Variants in CAPN10 observed in about 807,000 individuals in gnomAD.
CAPN10 encodes calpain 10.
Under a neutral mutation model 78.4 loss-of-function variants are expected in CAPN10, and 71 were observed. The ratio of observed to expected loss-of-function variants is 0.91; its 90% CI spans 0.75 to 1.10. The LOEUF (loss-of-function observed/expected upper bound fraction) is 1.10, where lower values mean the gene tolerates loss of function less well. Among genes scored for constraint, CAPN10 ranks in the 50% least tolerant of loss-of-function variants. The pLI, the probability that CAPN10 is intolerant of heterozygous loss-of-function variation, is 0.00. For synonymous variants in CAPN10, 437 were observed against 407.2 expected (o/e 1.07, Z -0.88); for missense variants, 849 against 924.6 (o/e 0.92, Z 1.06).
chr2:240,586,766 G>A lies in CAPN10; in HGVS notation c.-146G>A. ...CGGGCCGGCGTACTGGCCTGGTCCA[G>A]CACCTGCGGGGCCCTCGGGCTTGGA... is the stretch of plus-strand genomic sequence containing the variant. On this transcript the variant is annotated 5_prime_UTR_variant, in exon 1 of 12. Transcript: ENST00000391984. The A allele has an allele frequency of 1.4e-6, 1 of 736,128 alleles. No homozygotes were observed. Among genetic ancestry groups the A allele is most frequent in the Non-Finnish European group, 1.9e-6 (1 of 525,414 alleles). 45.6% of individuals were successfully genotyped at this position (736,128 alleles called of 1,614,324 possible).
chr2:240,596,402 G>A lies in CAPN10; in HGVS notation c.1362G>A (p.Glu454=). 1 of 1,613,552 alleles carries A rather than the reference G, an allele frequency of 6.2e-7. No individual in the cohort carries two copies. The change falls in exon 8 of 12, where the codon GAG becomes GAA. Residue 454 remains glutamate, a synonymous_variant. Coordinates refer to ENST00000391984, the MANE Select transcript of CAPN10 (RefSeq NM_023083.4). ...AGTACHAYDR[E]VHLRCELSPG... Reference sequence around the variant, plus strand: ...CCGCGTGCCATGCATACGACCGGGAGGTCCACCTGCGTTGTGAGCTCTCAC... The same window carrying A: ...CCGCGTGCCATGCATACGACCGGGAAGTCCACCTGCGTTGTGAGCTCTCAC...
intron 4 of CAPN10, among the ~76,000 whole-genome samples, chr2:240,593,143 G>C (rs529112925): frequency 6.6e-6 from 1 of 152,234 alleles, no homozygotes. Flanking sequence ...CGCTGGTCTG[G>C]TGGGCATTAG....
In CAPN10 at chr2:240,598,989, A is replaced by G. The variant is rs1488567499; in HGVS notation, c.*309A>G. The G allele has an allele frequency of 8.0e-6, 4 of 499,328 alleles. No individual in the cohort carries two copies. In the East Asian group the frequency reaches 1.2e-4, roughly 15 times the overall value. The allele number at this position is 499,328 out of a possible 1,614,324, so 30.9% of individuals were successfully genotyped here. A position where few individuals can be genotyped will look rare whatever the true frequency, so the allele number is the denominator to read the frequency against. ...CCCTCCCAGATCCTCTGCTGACTCC[A>G]TATGGAGGCCTCACACCCAGAGGGT... is the stretch of plus-strand genomic sequence containing the variant. On this transcript the variant is annotated 3_prime_UTR_variant, in exon 12 of 12. Transcript: ENST00000391984.
At chr2:240,594,346 C>G in intron 5 of CAPN10, 197 bp from the exon 6 acceptor site, 1 of 663,520 alleles carries the variant, frequency 1.5e-6, no homozygotes, top group Non-Finnish European at 2.6e-6. Flanking sequence ...AGAGAGGGCT[C>G]CAGGGTGGCC....
intron 4 of CAPN10, 104 bp from the exon 5 acceptor site, chr2:240,593,802 G>A (rs1395375536): frequency 1.5e-6 from 2 of 1,354,720 alleles, no homozygotes; most frequent in Non-Finnish European, 2.0e-6. Flanking sequence ...ATAGTGGGGT[G>A]GGCTGGAGCA....
At position 240,596,671 on chromosome 2, in the gene CAPN10, T is replaced by G. The variant is rs1449909362; in HGVS notation, c.1482-10T>G. 3.3e-6 allele frequency: 5 copies of G among 1,536,314 alleles called. No homozygotes were observed. In the Admixed American group the frequency reaches 8.0e-5, roughly 24 times the overall value. ...CTGCCAGCGCCCTCCCATGTTTGTC[T>G]TCTTGGCAGCGCCATCAGGGCAGTG... On this transcript the variant is annotated splice_polypyrimidine_tract_variant and intron_variant, in intron 8 of 11. Coordinates refer to ENST00000391984, the MANE Select transcript of CAPN10 (RefSeq NM_023083.4).
chr2:240,590,935 G>GC lies in CAPN10; in HGVS notation c.395dup (p.Gly133ArgfsTer147). On this transcript the variant is annotated frameshift_variant, in exon 3 of 12. Transcript: ENST00000391984. LOFTEE classifies it high-confidence loss of function. ...CACAGATGACCGCCTGCCGTGCCTT[G>GC]CAGGGAGACTCTGTTTCTCCCGCTG... is the stretch of plus-strand genomic sequence containing the variant. 1.2e-6 allele frequency: 2 copies of GC among 1,614,242 alleles called. No individual in the cohort carries two copies. The highest frequency in any genetic ancestry group is 1.7e-6 in the Non-Finnish European group (2 of 1,180,052).
chr2:240,595,519 T>A, intron 7 of CAPN10: 1 of 613,730 alleles, frequency 1.6e-6, no homozygotes. Flanking sequence ...TGCCTTGCCG[T>A]GTGCCTCATT....
intron 1 of CAPN10, among the ~76,000 whole-genome samples, chr2:240,588,694 C>G (rs909461776): frequency 1.3e-5 from 2 of 152,092 alleles, no homozygotes; most frequent in Admixed American, 1.3e-4. Flanking sequence ...GAATGGGAAG[C>G]AGGTAGTGGG....
At chr2:240,595,518 G>C in intron 7 of CAPN10, 1 of 616,614 alleles carries the variant, frequency 1.6e-6, no homozygotes, top group Non-Finnish European at 2.8e-6. Flanking sequence ...CTGCCTTGCC[G>C]TGTGCCTCAT....
rs758832246 is a variant in CAPN10, at chr2:240,596,367, G to A, written c.1327G>A (p.Val443Met). 9.3e-6 allele frequency: 15 copies of A among 1,612,650 alleles called. No individual in the cohort carries two copies. Among genetic ancestry groups the A allele is most frequent in the Admixed American group, 3.3e-5 (2 of 60,002 alleles). Residue 443 changes from valine (V) to methionine (M), a missense_variant, in exon 8 of 12, where the codon GTG (valine) becomes ATG (methionine). Val to Met is a conservative substitution (Grantham distance 21). Transcript: ENST00000391984. Reference protein sequence around the residue: ...NLPRVLSMPPVAGTACHAYDR... With the variant: ...NLPRVLSMPPMAGTACHAYDR... ...GCCTAGGGTCCTGTCCATGCCCCCC[G>A]TGGCTGGCACCGCGTGCCATGCATA...
chr2:240,597,345 G>GC (rs1313599534), intron 9 of CAPN10, among the ~76,000 whole-genome samples: 1 of 152,200 alleles, frequency 6.6e-6, no homozygotes, highest in African/African-American at 2.4e-5. Context: ...AGGCTGGCTG[G>GC]CCACAGCAGC....
intron 11 of CAPN10, 107 bp downstream of exon 11, chr2:240,598,504 C>T (rs916683226): frequency 6.8e-7 from 1 of 1,462,710 alleles, no homozygotes; most frequent in African/African-American, 1.4e-5. Context: ...ACGTGAGGTG[C>T]CCTTGACTCT....
At chr2:240,587,091 T>C in intron 1 of CAPN10, 39 bp downstream of exon 1, 1 of 1,281,048 alleles carries the variant, frequency 7.8e-7, no homozygotes, top group South Asian at 1.9e-5. Flanking sequence ...CGTTTCTGGT[T>C]TCTGAGATCT....
At chr2:240,590,500 A>G (rs1159481682) in intron 2 of CAPN10, 10 of 264,486 alleles carry the variant, frequency 3.8e-5, no homozygotes, top group Middle Eastern at 1.1e-3. Context: ...AAGTTTTGCA[A>G]TGAGAGGTCT....
chr2:240,596,709 A>C lies in CAPN10; in HGVS notation c.1510A>C (p.Thr504Pro). 1 of 1,563,286 alleles carries C rather than the reference A, an allele frequency of 6.4e-7. No homozygotes were observed. The highest frequency in any genetic ancestry group is 1.4e-5 in the African/African-American group (1 of 73,668). ...SAIRAVAKNT[T>P]PGAALPAGEW... The stretch of plus-strand genomic sequence containing the variant: ...CATCAGGGCAGTGGCCAAGAACACC[A>C]CCCCCGGGGCAGCCCTGCCTGCGGG... Residue 504 changes from threonine (T) to proline (P), a missense_variant, in exon 9 of 12, where the codon ACC becomes CCC. Thr to Pro is a conservative substitution (Grantham distance 38). Transcript: ENST00000391984.
At chr2:240,597,820 A>C in intron 9 of CAPN10, 68 bp from the exon 10 acceptor site, 1 of 1,376,910 alleles carries the variant, frequency 7.3e-7, no homozygotes. Flanking sequence ...GCATCCGAGC[A>C]GATGGCCCTG....
Position 240,595,063 on chromosome 2 carries a change from G to C in CAPN10, c.1037G>C (p.Trp346Ser), listed in dbSNP as rs1418293274. The change falls in exon 7 of 12, where the codon TGG becomes TCG. Residue 346 changes from tryptophan (W) to serine (S), a missense_variant. Coordinates refer to ENST00000391984, the MANE Select transcript of CAPN10 (RefSeq NM_023083.4). Reference sequence around the variant, plus strand: ...CATACGCGGGCGCTGCCTGGGGCCTGGGTCAAGGGCCAGTCAGCAGGAGGC... The same window carrying C: ...CATACGCGGGCGCTGCCTGGGGCCTCGGTCAAGGGCCAGTCAGCAGGAGGC... ...LCHTRALPGA[W>S]VKGQSAGGCR... 1.2e-6 allele frequency: 2 copies of C among 1,613,408 alleles called. No homozygotes were observed. Among genetic ancestry groups the C allele is most frequent in the Non-Finnish European group, 1.7e-6 (2 of 1,180,034 alleles).
In CAPN10 at chr2:240,594,406, C is replaced by T. The variant is rs1015214744; in HGVS notation, c.831-137C>T. 2.0e-5 allele frequency: 17 copies of T among 855,560 alleles called. No homozygotes were observed. In the African/African-American group the frequency reaches 2.2e-4, roughly 11 times the overall value. The allele number at this position is 855,560 out of a possible 1,614,324, so 53.0% of individuals were successfully genotyped here. On this transcript the variant is annotated intron_variant, in intron 5 of 11. Transcript: ENST00000391984. ...AGAGCTGCTTCGGGTGTGGGAGGGG[C>T]TGCAGAGCTGGGGCACGGGGTTGCT...
Sources: gnomAD v4.1 joint callset for allele counts (sites outside exome capture counted in the v4.1 genomes callset) on GRCh38, gnomAD v4.1.1 for gene constraint, MANE v1.5 for transcripts, NCBI Gene and HGNC (gene_info 2026-07-23, HGNC 2026-07-21) for gene names.